The following MAP4K3 variants were observed in gnomAD, a reference collection of about 807,000 sequenced individuals.
The protein encoded by MAP4K3 is MAPK/ERK kinase kinase kinase 3.
A neutral mutation model predicts 143.5 loss-of-function variants in MAP4K3; 94 were observed. That is an observed-to-expected ratio of 0.65 (90% CI 0.55 to 0.78). The LOEUF is 0.78. MAP4K3 is among the 30% of genes least tolerant of loss of function. MAP4K3 has a pLI of 0.00. For missense variants in MAP4K3, 1,077 were observed against 1,068.1 expected (o/e 1.01, Z -0.12); for synonymous variants, 416 against 347.2 (o/e 1.20, Z -2.20).
chr2:39,350,283 C>G (rs1665414506), intron 3 of MAP4K3, among the ~76,000 whole-genome samples: 1 of 152,048 alleles, frequency 6.6e-6, no homozygotes, highest in Admixed American at 6.6e-5. Flanking sequence ...TGATAAAATC[C>G]AAATAAGTAT....
intron 2 of MAP4K3, among the ~76,000 whole-genome samples, chr2:39,362,312 G>A (rs1483004161): frequency 6.6e-6 from 1 of 152,140 alleles, no homozygotes; most frequent in Non-Finnish European, 1.5e-5. Flanking sequence ...TTTGCTGGAA[G>A]ATGACATGAC....
intron 1 of MAP4K3, among the ~76,000 whole-genome samples, chr2:39,434,155 A>G: frequency 6.6e-6 from 1 of 152,262 alleles, no homozygotes; most frequent in East Asian, 1.9e-4. Flanking sequence ...ATTTAATCCA[A>G]TCATTCCATT....
At chr2:39,420,889 G>C (rs1159179210) in intron 1 of MAP4K3, among the ~76,000 whole-genome samples, 1 of 152,090 alleles carries the variant, frequency 6.6e-6, no homozygotes, top group Non-Finnish European at 1.5e-5. Context: ...AAATCTGCTA[G>C]TCTATAGACA....
At chr2:39,421,683 T>C in intron 1 of MAP4K3, among the ~76,000 whole-genome samples, 1 of 152,358 alleles carries the variant, frequency 6.6e-6, no homozygotes, top group East Asian at 1.9e-4. Context: ...GCATCTGCTA[T>C]GATTATAACT....
chr2:39,433,565 A>T (rs950729958), intron 1 of MAP4K3, among the ~76,000 whole-genome samples: 1 of 152,206 alleles, frequency 6.6e-6, no homozygotes, highest in Non-Finnish European at 1.5e-5. Flanking sequence ...CCTATGGATC[A>T]TTTTTTCATT....
chr2:39,401,329 A>T (rs1347028270), intron 1 of MAP4K3, among the ~76,000 whole-genome samples: 1 of 152,164 alleles, frequency 6.6e-6, no homozygotes, highest in Non-Finnish European at 1.5e-5. Flanking sequence ...AAGAGAGAGA[A>T]CAATTACCAA....
At chr2:39,430,904 G>A (rs1305779322) in intron 1 of MAP4K3, among the ~76,000 whole-genome samples, 3 of 152,180 alleles carry the variant, frequency 2.0e-5, no homozygotes, top group African/African-American at 7.2e-5. Context: ...ATTTCTCCCA[G>A]TCAGAAATAA....
chr2:39,436,680 G>A (rs1258708681), intron 1 of MAP4K3: 5 of 564,066 alleles, frequency 8.9e-6, no homozygotes, highest in Non-Finnish European at 9.4e-6. Flanking sequence ...GTCCACCGGG[G>A]GGGCTCAGGT....
At chr2:39,296,873 C>T (rs1272922395) in intron 16 of MAP4K3, among the ~76,000 whole-genome samples, 3 of 152,158 alleles carry the variant, frequency 2.0e-5, no homozygotes. Flanking sequence ...TATTCCATTT[C>T]ATCCTTAGCA....
chr2:39,312,001 A>C (rs980498861), intron 13 of MAP4K3, among the ~76,000 whole-genome samples: 2 of 152,252 alleles, frequency 1.3e-5, no homozygotes, highest in African/African-American at 4.8e-5. Flanking sequence ...ATTGGTAAAT[A>C]TACAAATACA....
chr2:39,418,890 A>C (rs1667468637), intron 1 of MAP4K3, among the ~76,000 whole-genome samples: 1 of 152,200 alleles, frequency 6.6e-6, no homozygotes, highest in African/African-American at 2.4e-5. Context: ...CCTGGATGGA[A>C]TCCTGAGACA....
chr2:39,377,182 A>G (rs1164504874), intron 2 of MAP4K3, among the ~76,000 whole-genome samples: 1 of 135,402 alleles, frequency 7.4e-6, no homozygotes, highest in East Asian at 2.3e-4. Context: ...TACAAAGTCT[A>G]AAGTATTGGC....
intron 8 of MAP4K3, among the ~76,000 whole-genome samples, chr2:39,330,028 ATTAAT>A (rs1353330015): frequency 2.6e-5 from 4 of 152,100 alleles, no homozygotes; most frequent in African/African-American, 9.7e-5. Context: ...AAATTAATAG[ATTAAT>A]TTAAGTGGTC....
chr2:39,258,526 G>A lies in MAP4K3; in HGVS notation c.2370C>T (p.Cys790=). The A allele has an allele frequency of 6.2e-7, 1 of 1,612,936 alleles. No homozygotes were observed. Among genetic ancestry groups the A allele is most frequent in the Non-Finnish European group, 8.5e-7 (1 of 1,178,980 alleles). Reference sequence around the variant, plus strand: ...TCATAAATAAAAACTTACAGTCCAAGCATACAAGGATGGTATCTCTCTCCA... The same window carrying A: ...TCATAAATAAAAACTTACAGTCCAAACATACAAGGATGGTATCTCTCTCCA... The part of the protein sequence containing the change: ...TQLERDTILV[C]LDCCIKIVNL... The change falls in exon 30 of 34, where the codon TGC becomes TGT. Residue 790 remains cysteine, a synonymous_variant. Transcript: ENST00000263881.
At position 39,333,588 on chromosome 2, in the gene MAP4K3, A is replaced by T; in HGVS notation, c.415-14T>A. 6.5e-7 allele frequency: 1 copy of T among 1,536,352 alleles called. No individual in the cohort carries two copies. The highest frequency in any genetic ancestry group is 2.3e-5 in the East Asian group (1 of 44,374). ...AATGTTAGCTCCCTTCAAAGTAACA[A>T]TATTTTAGTTAGAGTAGGAAATAGA... On this transcript the variant is annotated splice_polypyrimidine_tract_variant and intron_variant, in intron 6 of 33. Coordinates refer to ENST00000263881, the MANE Select transcript of MAP4K3 (RefSeq NM_003618.4).
chr2:39,397,428 G>T (rs542122796), intron 1 of MAP4K3, among the ~76,000 whole-genome samples: 2 of 152,186 alleles, frequency 1.3e-5, no homozygotes, highest in East Asian at 3.9e-4. Flanking sequence ...AATCACAAAT[G>T]TGCAAACTTA....
intron 1 of MAP4K3, among the ~76,000 whole-genome samples, chr2:39,423,966 C>CG (rs1664976710): frequency 6.6e-6 from 1 of 151,504 alleles, no homozygotes; most frequent in Non-Finnish European, 1.5e-5. Context: ...TTTTTTGAGA[C>CG]GGAGTCTCGC....
At position 39,258,386 on chromosome 2, in the gene MAP4K3, G is replaced by T; in HGVS notation, c.2432C>A (p.Ser811Ter). ...QGRLKSSRKL[S>*]SELTFDFQIE... ...CTGGAAATCAAAGGTGAGTTCTGAT[G>T]ACAATTTCCTGCTAGATTTTAATCT... The change falls in exon 31 of 34, where the codon TCA (serine) becomes TAA (stop). Residue 811 changes from serine to a stop codon, truncating the protein, a stop_gained. Transcript: ENST00000263881. LOFTEE classifies it high-confidence loss of function. 1 of 1,610,694 alleles carries T rather than the reference G, an allele frequency of 6.2e-7. No individual in the cohort carries two copies. Among genetic ancestry groups the T allele is most frequent in the South Asian group, 1.1e-5 (1 of 90,724 alleles).
chr2:39,289,179 G>C (rs1230140139), intron 19 of MAP4K3, among the ~76,000 whole-genome samples: 1 of 152,178 alleles, frequency 6.6e-6, no homozygotes, highest in Non-Finnish European at 1.5e-5. Context: ...ACGGTTTGTA[G>C]AATTTATAAC....
Sources: gnomAD v4.1 joint callset for allele counts (sites outside exome capture counted in the v4.1 genomes callset) on GRCh38, gnomAD v4.1.1 for gene constraint, MANE v1.5 for transcripts, NCBI Gene and HGNC (gene_info 2026-07-23, HGNC 2026-07-21) for gene names.